TEX11: variants seen among roughly 807,000 people sequenced by gnomAD.
TEX11 encodes testis-expressed protein 11.
In TEX11, 7 loss-of-function variants were observed where a neutral mutation model predicts 84.4. The ratio of observed to expected loss-of-function variants is 0.08; its 90% CI spans 0.05 to 0.16. The LOEUF (loss-of-function observed/expected upper bound fraction) is 0.16. Ranked by LOEUF, TEX11 falls within the 10% of genes least tolerant of loss-of-function variation. The pLI is 1.00. For synonymous variants in TEX11, 264 were observed against 222.8 expected (o/e 1.18, Z -1.64); for missense variants, 551 against 660.5 (o/e 0.83, Z 1.82).
At chrX:70,639,004 G>A (rs988895850) in intron 17 of TEX11, among the ~76,000 whole-genome samples, 5 of 110,048 alleles carry the variant, frequency 4.5e-5, no homozygotes, top group Non-Finnish European at 7.6e-5. Context: ...TGAGGTACCC[G>A]GTTCATCTGA....
chrX:70,726,832 CT>C (rs1306630026), intron 11 of TEX11, among the ~76,000 whole-genome samples: 63 of 100,118 alleles, frequency 6.3e-4, no homozygotes, highest in Admixed American at 7.6e-4. Context: ...GGCCTGGCTG[CT>C]TTTTTTTTTT....
Position 70,645,289 on chromosome X carries a change from T to TA in TEX11, c.1483+6160dup, listed in dbSNP as rs200740930. On this transcript the variant is annotated intron_variant, in intron 17 of 29. Coordinates refer to ENST00000374333, the MANE Select transcript of TEX11 (RefSeq NM_031276.3). The stretch of plus-strand genomic sequence containing the variant: ...CAAAATTCAACATCATTCCATGATT[T>TA]AAAAAAAAAAACACAATAAAGGCCA... Among the ~76,000 whole-genome samples the TA allele has an allele frequency of 2.0e-3, 206 of 103,640 alleles. No individual in the cohort carries two copies. In the East Asian group the frequency reaches 0.042, roughly 21 times the overall value. 90.0% of individuals were successfully genotyped at this position (103,640 alleles called of 115,157 possible). A position where few individuals can be genotyped will look rare whatever the true frequency, so the allele number is the denominator to read the frequency against.
intron 17 of TEX11, among the ~76,000 whole-genome samples, chrX:70,646,890 A>G (rs1319093834): frequency 1.8e-5 from 2 of 111,964 alleles, no homozygotes; most frequent in African/African-American, 6.5e-5. Flanking sequence ...AGAATATAAA[A>G]AAGAAGTGAA....
At chrX:70,750,929 A>T (rs868330455) in intron 9 of TEX11, among the ~76,000 whole-genome samples, 29 of 26,634 alleles carry the variant, frequency 1.1e-3, no homozygotes, top group African/African-American at 2.8e-3. Flanking sequence ...AATAAAAAAA[A>T]AAAAATATAT....
chrX:70,651,320 A>C, intron 17 of TEX11, 130 bp downstream of exon 17: 1 of 406,513 alleles, frequency 2.5e-6, no homozygotes, highest in Non-Finnish European at 4.1e-6. Context: ...TATCACCTTT[A>C]CATAGGAAAG....
chrX:70,908,025 C>A (rs751081064), intron 1 of TEX11, among the ~76,000 whole-genome samples: 4 of 111,274 alleles, frequency 3.6e-5, no homozygotes, highest in African/African-American at 1.3e-4. Flanking sequence ...TGCCTGGCAA[C>A]GGGGGAAATG....
chrX:70,653,082 A>G (rs952134419), intron 16 of TEX11, among the ~76,000 whole-genome samples: 3 of 112,159 alleles, frequency 2.7e-5, no homozygotes, highest in Non-Finnish European at 5.6e-5. Context: ...AAAAACCCAA[A>G]CTATAAAACT....
chrX:70,629,659 T>C lies in TEX11; in HGVS notation c.1560A>G (p.Arg520=). Residue 520 remains arginine (R), a synonymous_variant, in exon 18 of 30, where the codon AGA becomes AGG. Coordinates refer to ENST00000374333, the MANE Select transcript of TEX11 (RefSeq NM_031276.3). ...ESEDNDLVAE[R]GSPTMLLSLA... is the part of the protein sequence containing the mutation. ...AACTTAGAAGCATGGTAGGTGAACC[T>C]CTCTCTGCAACTAGATCATTATCTT... The C allele has an allele frequency of 8.3e-7, 1 of 1,202,631 alleles. No homozygotes were observed.
rs764468453 is a variant in TEX11, at chrX:70,748,288, G to A, written c.693-4069C>T. Reference sequence around the variant, plus strand: ...AAAAAGCTACATCCAGACACATGATGAGCGAAAATTATTGAACATCAAAGA... The same window carrying A: ...AAAAAGCTACATCCAGACACATGATAAGCGAAAATTATTGAACATCAAAGA... On this transcript the variant is annotated intron_variant, in intron 9 of 29. Coordinates refer to ENST00000374333, the MANE Select transcript of TEX11 (RefSeq NM_031276.3). Among the ~76,000 whole-genome samples, 3 of 111,584 alleles carry A rather than the reference G, an allele frequency of 2.7e-5. No individual in the cohort carries two copies. In the South Asian group the frequency reaches 1.1e-3, roughly 42 times the overall value.
intron 9 of TEX11, among the ~76,000 whole-genome samples, chrX:70,785,853 G>A (rs1020975966): frequency 2.7e-5 from 3 of 111,922 alleles, no homozygotes; most frequent in Middle Eastern, 4.6e-3. Context: ...AAATAGGAAC[G>A]CTTTTACACT....
chrX:70,624,667 A>G (rs946407511), intron 19 of TEX11, among the ~76,000 whole-genome samples, 172 bp downstream of exon 19: 2 of 111,511 alleles, frequency 1.8e-5, no homozygotes, highest in Non-Finnish European at 3.8e-5. Context: ...TCACTGTGGC[A>G]TTTTCTCAGT....
intron 23 of TEX11, among the ~76,000 whole-genome samples, chrX:70,606,561 T>C (rs1185306947): frequency 8.9e-6 from 1 of 112,230 alleles, no homozygotes; most frequent in East Asian, 2.8e-4. Context: ...CCCCAGATAC[T>C]TATTCTATGT....
chrX:70,790,902 T>C (rs751993761), intron 9 of TEX11, among the ~76,000 whole-genome samples: 1 of 112,445 alleles, frequency 8.9e-6, no homozygotes, highest in Non-Finnish European at 1.9e-5. Context: ...GTTTCAAGAA[T>C]GGCAAGTTGG....
chrX:70,742,404 C>T (rs1052906580), intron 10 of TEX11, among the ~76,000 whole-genome samples: 5 of 108,458 alleles, frequency 4.6e-5, no homozygotes, highest in African/African-American at 1.7e-4. Flanking sequence ...GTAAAATACA[C>T]ATAACATAAA....
At chrX:70,748,966 T>G (rs1325592234) in intron 9 of TEX11, among the ~76,000 whole-genome samples, 1 of 106,513 alleles carries the variant, frequency 9.4e-6, no homozygotes, top group East Asian at 3.0e-4. Context: ...AGAAAGGCAT[T>G]GGTAGCTTGA....
Position 70,722,603 on chromosome X carries a change from A to AAAT in TEX11, c.1004+12_1004+14dup. ...AAACTGTCAGTCTTTAGAGAAAGGGAAATCAATTCTGTACCTTTCATGATC... is the reference window on the plus strand; with the variant it reads ...AAACTGTCAGTCTTTAGAGAAAGGGAAATAATCAATTCTGTACCTTTCATGATC... On this transcript the variant is annotated intron_variant, in intron 13 of 29. Coordinates refer to ENST00000374333, the MANE Select transcript of TEX11 (RefSeq NM_031276.3). 1 of 1,193,455 alleles carries AAAT rather than the reference A, an allele frequency of 8.4e-7. No individual in the cohort carries two copies.
At chrX:70,787,974 G>C (rs1191267650) in intron 9 of TEX11, among the ~76,000 whole-genome samples, 3 of 109,471 alleles carry the variant, frequency 2.7e-5, no homozygotes, top group Admixed American at 9.8e-5. Context: ...CCAAGGAAGT[G>C]AAAGGCATGT....
intron 13 of TEX11, among the ~76,000 whole-genome samples, chrX:70,701,455 C>T (rs1427853684): frequency 9.0e-6 from 1 of 111,650 alleles, no homozygotes; most frequent in African/African-American, 3.3e-5. Flanking sequence ...TAGTTTAAAC[C>T]CTCTGTTGAG....
At chrX:70,607,120 T>C in intron 22 of TEX11, 91 bp from the exon 23 acceptor site, 2 of 660,325 alleles carry the variant, frequency 3.0e-6, no homozygotes, top group Non-Finnish European at 4.5e-6. Context: ...ACTTACACCT[T>C]TGATATTAAC....
Sources: gnomAD v4.1 joint callset for allele counts (sites outside exome capture counted in the v4.1 genomes callset) on GRCh38, gnomAD v4.1.1 for gene constraint, MANE v1.5 for transcripts, NCBI Gene and HGNC (gene_info 2026-07-23, HGNC 2026-07-21) for gene names.